Variants in PHKB observed in about 807,000 individuals in gnomAD.
The protein encoded by PHKB is phosphorylase b kinase regulatory subunit beta.
PHKB carries 122 observed loss-of-function variants against 152.1 expected under a neutral mutation model. That is an observed-to-expected ratio of 0.80 (90% CI 0.69 to 0.93). The LOEUF (loss-of-function observed/expected upper bound fraction) is 0.93. Ranked by LOEUF, PHKB falls within the 40% of genes least tolerant of loss-of-function variation. PHKB has a pLI of 0.00. For missense variants in PHKB, 1,304 were observed against 1,328.4 expected (o/e 0.98, Z 0.29); for synonymous variants, 436 against 464.9 (o/e 0.94, Z 0.80).
In PHKB at chr16:47,507,457, C is replaced by T. The variant is rs1223296488; in HGVS notation, c.406-4208C>T. Among the ~76,000 whole-genome samples, 3 of 152,098 alleles carry T rather than the reference C, an allele frequency of 2.0e-5. 1 individual carries two copies. The highest frequency in any genetic ancestry group is 2.0e-4 in the Admixed American group (3 of 15,274). ...GGCATTTCTTACTCAACCTTATTAA[C>T]CAGTCATCACAATTGTAATATGTTT... is the stretch of plus-strand genomic sequence containing the variant. On this transcript the variant is annotated intron_variant, in intron 4 of 30. Transcript: ENST00000323584.
chr16:47,487,411 G>C (rs988975574), intron 1 of PHKB, among the ~76,000 whole-genome samples: 8 of 39,202 alleles, frequency 2.0e-4, no homozygotes, highest in Non-Finnish European at 3.9e-4. Context: ...AGGTACAAGA[G>C]TTTATATATA....
At chr16:47,628,983 A>G (rs1972768081) in intron 14 of PHKB, among the ~76,000 whole-genome samples, 1 of 152,214 alleles carries the variant, frequency 6.6e-6, no homozygotes, top group African/African-American at 2.4e-5. Flanking sequence ...TAGAAAGCTG[A>G]AACTGGATCC....
intron 28 of PHKB, among the ~76,000 whole-genome samples, chr16:47,694,649 C>A (rs974964270): frequency 2.6e-5 from 4 of 152,198 alleles, no homozygotes; most frequent in African/African-American, 9.6e-5. Flanking sequence ...TTTCATTTGA[C>A]TGTCAGTGCA....
chr16:47,513,984 C>A (rs1970553156), intron 5 of PHKB, among the ~76,000 whole-genome samples: 1 of 152,064 alleles, frequency 6.6e-6, no homozygotes, highest in Non-Finnish European at 1.5e-5. Flanking sequence ...AACATTGTAC[C>A]CATTAGGTTG....
chr16:47,638,949 T>C (rs145047294), intron 14 of PHKB, among the ~76,000 whole-genome samples: 8 of 152,288 alleles, frequency 5.3e-5, no homozygotes, highest in African/African-American at 1.9e-4. Context: ...ATTAGGAAAT[T>C]AACAGAGAGA....
At chr16:47,510,903 CTTAT>C (rs1490544903) in intron 4 of PHKB, among the ~76,000 whole-genome samples, 1 of 151,858 alleles carries the variant, frequency 6.6e-6, no homozygotes, top group Non-Finnish European at 1.5e-5. Context: ...TTTTTTTGTT[CTTAT>C]TTATCTCAGA....
At position 47,701,463 on chromosome 16, in the gene PHKB, T is replaced by C. The variant is rs1974245739; in HGVS notation, c.*2097T>C. ...CACGTATTGACTTCATGCTTTGAGA[T>C]TCAAAATTTATTGTTCTGAAAGTTA... On this transcript the variant is annotated 3_prime_UTR_variant, in exon 31 of 31. Coordinates refer to ENST00000323584, the MANE Select transcript of PHKB (RefSeq NM_000293.3). The C allele has an allele frequency of 2.6e-5, 4 of 152,224 alleles. No individual in the cohort carries two copies. The highest frequency in any genetic ancestry group is 1.3e-4 in the Admixed American group (2 of 15,282). The allele number at this position is 152,224 out of a possible 1,614,324, so 9.4% of individuals were successfully genotyped here.
chr16:47,648,936 G>A (rs1973183812), intron 17 of PHKB, among the ~76,000 whole-genome samples, 164 bp from the exon 18 acceptor site: 3 of 152,084 alleles, frequency 2.0e-5, no homozygotes, highest in Admixed American at 2.0e-4. Context: ...ATTCCATCAA[G>A]AAACTTAAAA....
chr16:47,502,976 A>C lies in PHKB; in HGVS notation c.306-15A>C, dbSNP rs372436374. ...GCATTTCCAATTAGTTTCATGAGTT[A>C]TCTCTCTCACCCAGGCGAATTGATG... On this transcript the variant is annotated splice_polypyrimidine_tract_variant and intron_variant, in intron 3 of 30. Coordinates refer to ENST00000323584, the MANE Select transcript of PHKB (RefSeq NM_000293.3). 13 of 1,558,862 alleles carry C rather than the reference A, an allele frequency of 8.3e-6. No individual in the cohort carries two copies. Among genetic ancestry groups the C allele is most frequent in the South Asian group, 1.1e-5 (1 of 89,874 alleles).
At chr16:47,467,027 G>C (rs2151626238) in intron 1 of PHKB, among the ~76,000 whole-genome samples, 1 of 152,252 alleles carries the variant, frequency 6.6e-6, no homozygotes, top group African/African-American at 2.4e-5. Flanking sequence ...TTGTAAAAAT[G>C]ATGTTAATAA....
intron 27 of PHKB, among the ~76,000 whole-genome samples, chr16:47,691,874 C>A (rs1294496648): frequency 6.6e-6 from 1 of 152,192 alleles, no homozygotes; most frequent in Non-Finnish European, 1.5e-5. Context: ...CATGTTTCTA[C>A]TTTTTCTGTT....
At position 47,692,294 on chromosome 16, in the gene PHKB, GCTGT is replaced by G. The variant is rs145079437; in HGVS notation, c.2766-1081_2766-1078del. Among the ~76,000 whole-genome samples the G allele has an allele frequency of 6.2e-4, 95 of 152,230 alleles. 1 individual carries two copies. The East Asian group carries it at 0.011, about 18-fold the overall frequency. On this transcript the variant is annotated intron_variant, in intron 27 of 30. Transcript: ENST00000323584. Reference sequence around the variant, plus strand: ...TGTAATTGAGTATACATTTCACTCTGCTGTCTTTTAAAATACTAAGTGTAAAAAA... The same window carrying G: ...TGTAATTGAGTATACATTTCACTCTGCTTTTAAAATACTAAGTGTAAAAAA...
rs1424198458 is a variant in PHKB, at chr16:47,590,690, C to G, written c.1068+1588C>G. On this transcript the variant is annotated intron_variant, in intron 10 of 30. Coordinates refer to ENST00000323584, the MANE Select transcript of PHKB (RefSeq NM_000293.3). ...TCCAGCAAGCTTTCTTGCTTTGGAT[C>G]TGTCCAGCAAGCTTTCTTCACCTTC... is the stretch of plus-strand genomic sequence containing the variant. 4 of 152,386 alleles carry G rather than the reference C, an allele frequency of 2.6e-5. No individual in the cohort carries two copies. The South Asian group carries it at 6.2e-4, about 24-fold the overall frequency. 9.4% of individuals were successfully genotyped at this position (152,386 alleles called of 1,614,324 possible). A position where few individuals can be genotyped will look rare whatever the true frequency, so the allele number is the denominator to read the frequency against.
intron 26 of PHKB, 31 bp downstream of exon 26, chr16:47,669,448 A>G (rs1973600057): frequency 6.3e-7 from 1 of 1,597,318 alleles, no homozygotes. Flanking sequence ...TTGCATAAAG[A>G]GAATTGTTCA....
At chr16:47,589,838 G>A (rs1415208384) in intron 10 of PHKB, among the ~76,000 whole-genome samples, 2 of 152,200 alleles carry the variant, frequency 1.3e-5, no homozygotes, top group East Asian at 3.8e-4. Context: ...AGGCTGGAGA[G>A]CAGTGGCATG....
intron 2 of PHKB, among the ~76,000 whole-genome samples, chr16:47,498,648 C>T (rs1034979818): frequency 6.6e-6 from 1 of 152,196 alleles, no homozygotes; most frequent in African/African-American, 2.4e-5. Context: ...TGCCTGTAAT[C>T]CTAGCCCTTT....
chr16:47,468,503 A>T (rs1969708303), intron 1 of PHKB, among the ~76,000 whole-genome samples: 1 of 152,194 alleles, frequency 6.6e-6, no homozygotes, highest in South Asian at 2.1e-4. Flanking sequence ...AATACAAAAA[A>T]TTAGCCAGGT....
intron 6 of PHKB, among the ~76,000 whole-genome samples, chr16:47,531,043 T>A (rs1385673370): frequency 6.6e-6 from 1 of 152,128 alleles, no homozygotes; most frequent in Non-Finnish European, 1.5e-5. Context: ...TTACCTGATA[T>A]AAACCCCATA....
In PHKB at chr16:47,699,300, G is replaced by A. The variant is rs137869198; in HGVS notation, c.3216G>A (p.Ala1072=). Reference sequence around the variant, plus strand: ...GAACATGCAGCTATTTGACAAAGGCGGTGATGAATCTGCTGCTGGAAGGAG... The same window carrying A: ...GAACATGCAGCTATTTGACAAAGGCAGTGATGAATCTGCTGCTGGAAGGAG... ...KRGTCSYLTK[A]VMNLLLEGEV... is the part of the protein sequence containing the mutation. Residue 1072 remains alanine, a synonymous_variant, in exon 31 of 31, where the codon GCG becomes GCA. Transcript: ENST00000323584. 4.4e-4 allele frequency: 708 copies of A among 1,614,084 alleles called. 1 individual carries two copies. Among genetic ancestry groups the A allele is most frequent in the South Asian group, 1.1e-3 (99 of 91,080 alleles).
Sources: gnomAD v4.1 joint callset for allele counts (sites outside exome capture counted in the v4.1 genomes callset) on GRCh38, gnomAD v4.1.1 for gene constraint, MANE v1.5 for transcripts, NCBI Gene and HGNC (gene_info 2026-07-23, HGNC 2026-07-21) for gene names.